Variants in COG4 observed in about 807,000 individuals in gnomAD.
COG4 encodes component of oligomeric golgi complex 4, also known as conserved oligomeric Golgi complex subunit 4.
Under a neutral mutation model 95.1 loss-of-function variants are expected in COG4, and 65 were observed. The ratio of observed to expected loss-of-function variants is 0.68; its 90% CI spans 0.56 to 0.84. The LOEUF (loss-of-function observed/expected upper bound fraction) is 0.84. Ranked by LOEUF, COG4 falls within the 40% of genes least tolerant of loss-of-function variation. The pLI is 0.00. For synonymous variants in COG4, 421 were observed against 374.8 expected, an observed-to-expected ratio of 1.12 and a Z score of -1.42; for missense variants, 1,045 against 989.1, an observed-to-expected ratio of 1.06 and a Z score of -0.76.
chr16:70,492,615 C>T (rs1022351939), intron 12 of COG4, among the ~76,000 whole-genome samples: 4 of 150,114 alleles, frequency 2.7e-5, no homozygotes, highest in Non-Finnish European at 5.9e-5. Context: ...GAGCCAAGAT[C>T]GCGCCATTGC....
At chr16:70,509,741 T>C (rs556560461) in intron 6 of COG4, 175 bp downstream of exon 6, 1 of 655,516 alleles carries the variant, frequency 1.5e-6, no homozygotes, top group Non-Finnish European at 2.7e-6. Context: ...GGAGAGACTC[T>C]AATCTTTGCT....
At chr16:70,489,681 T>G (rs2049205488) in intron 13 of COG4, among the ~76,000 whole-genome samples, 1 of 151,632 alleles carries the variant, frequency 6.6e-6, no homozygotes, top group South Asian at 2.1e-4. Context: ...CTCAATCCTG[T>G]TTTTTCATTA....
chr16:70,514,335 C>A lies in COG4; in HGVS notation c.544G>T (p.Gly182Trp). The change falls in exon 4 of 19, where the codon GGG (glycine) becomes TGG (tryptophan). Residue 182 changes from glycine (G) to tryptophan (W), a missense_variant and splice_region_variant. Physicochemically the swap from Gly to Trp is radical, Grantham distance 184. Coordinates refer to ENST00000323786, the MANE Select transcript of COG4 (RefSeq NM_015386.3). ...VIELSRQGKE[G>W]SMIDANLKLL... ...AAAACCAACAGTTTCGGATGCTGAC[C>A]CTCTTTGCCCTGTCGGCTGAGCTCA... 1 of 1,614,028 alleles carries A rather than the reference C, an allele frequency of 6.2e-7. No individual in the cohort carries two copies. The highest frequency in any genetic ancestry group is 8.5e-7 in the Non-Finnish European group (1 of 1,179,984).
In COG4 at chr16:70,514,481, G is replaced by A. The variant is rs778976307; in HGVS notation, c.398C>T (p.Ala133Val). The A allele has an allele frequency of 6.2e-7, 1 of 1,614,102 alleles. No individual in the cohort carries two copies. Among genetic ancestry groups the A allele is most frequent in the Non-Finnish European group, 8.5e-7 (1 of 1,180,022 alleles). ...GAACTTCAGGTCCAAGATGTCATCA[G>A]CTCTCTGAATGGCCTGATAGAGGCG... is the stretch of plus-strand genomic sequence containing the variant. ...KNRLYQAIQR[A>V]DDILDLKFCM... is the part of the protein sequence containing the mutation. The change falls in exon 4 of 19, where the codon GCT becomes GTT. Residue 133 changes from alanine (A) to valine (V), a missense_variant. By Grantham distance (64) the Ala-to-Val change is moderately conservative. Transcript: ENST00000323786.
chr16:70,496,515 C>T, intron 11 of COG4, 84 bp from the exon 12 acceptor site: 1 of 1,391,738 alleles, frequency 7.2e-7, no homozygotes, highest in Non-Finnish European at 1.0e-6. Flanking sequence ...CACTCTGACC[C>T]AGCAGCACAA....
At chr16:70,508,916 A>C in intron 7 of COG4, 1 of 539,076 alleles carries the variant, frequency 1.9e-6, no homozygotes, top group South Asian at 1.6e-5. Context: ...CAAGAAATAG[A>C]ATTGTCATTA....
At chr16:70,517,877 A>G in intron 2 of COG4, 137 bp from the exon 3 acceptor site, 1 of 679,216 alleles carries the variant, frequency 1.5e-6, no homozygotes, top group Non-Finnish European at 2.7e-6. Flanking sequence ...CTCTATACTC[A>G]GCTTTTTCTC....
At chr16:70,522,764 A>G (rs2049976915) in intron 1 of COG4, among the ~76,000 whole-genome samples, 2 of 152,220 alleles carry the variant, frequency 1.3e-5, no homozygotes, top group Admixed American at 1.3e-4. Flanking sequence ...ACTGAAAGGA[A>G]TTGGAGAATA....
intron 4 of COG4, among the ~76,000 whole-genome samples, chr16:70,513,426 T>C (rs1376076718): frequency 2.0e-5 from 3 of 152,182 alleles, no homozygotes; most frequent in African/African-American, 7.2e-5. Context: ...AGTCTCTTCT[T>C]ATCTGTAGGG....
At chr16:70,519,464 A>G (rs916022108) in intron 2 of COG4, among the ~76,000 whole-genome samples, 185 bp downstream of exon 2, 6 of 152,210 alleles carry the variant, frequency 3.9e-5, no homozygotes, top group Admixed American at 2.6e-4. Flanking sequence ...TGCTGGTACA[A>G]CTGGTCCAAG....
intron 7 of COG4, chr16:70,508,976 T>C (rs1284178463): frequency 1.2e-5 from 7 of 571,462 alleles, no homozygotes; most frequent in Non-Finnish European, 1.9e-5. Flanking sequence ...ACTGGTTTAC[T>C]ACTTCTGCTG....
At chr16:70,498,824 C>A (rs369365467) in intron 9 of COG4, among the ~76,000 whole-genome samples, 1 of 152,138 alleles carries the variant, frequency 6.6e-6, no homozygotes. Flanking sequence ...TAATAGGAGT[C>A]AAAAGATGTA....
At chr16:70,493,084 G>C (rs1227039811) in intron 12 of COG4, among the ~76,000 whole-genome samples, 1 of 152,212 alleles carries the variant, frequency 6.6e-6, no homozygotes, top group Non-Finnish European at 1.5e-5. Flanking sequence ...AGGGTTGGTA[G>C]CTGAGCTGAA....
At chr16:70,494,475 A>C (rs917239971) in intron 12 of COG4, among the ~76,000 whole-genome samples, 1 of 152,240 alleles carries the variant, frequency 6.6e-6, no homozygotes, top group African/African-American at 2.4e-5. Context: ...GGAAAACCAG[A>C]AACCTGTCAC....
intron 8 of COG4, among the ~76,000 whole-genome samples, chr16:70,503,225 T>G (rs2049489619): frequency 6.6e-6 from 1 of 152,140 alleles, no homozygotes; most frequent in African/African-American, 2.4e-5. Flanking sequence ...CTAATTTTTG[T>G]ATTTTTGGTA....
chr16:70,493,770 G>T (rs890033724), intron 12 of COG4, among the ~76,000 whole-genome samples: 2 of 152,066 alleles, frequency 1.3e-5, no homozygotes, highest in Non-Finnish European at 2.9e-5. Context: ...TTTAAAGCAG[G>T]TGAATGCCAC....
Position 70,481,676 on chromosome 16 carries a change from A to AG in COG4, c.2106+87dup, listed in dbSNP as rs899616054. ...TGCAGGGCCTGTGGGCAGCAGACAG[A>AG]GGGGATGCAAGTCCTGGGGGTGGTG... On this transcript the variant is annotated intron_variant, in intron 17 of 18. Transcript: ENST00000323786. 5.2e-6 allele frequency: 7 copies of AG among 1,353,128 alleles called. No homozygotes were observed. In the African/African-American group the frequency reaches 1.0e-4, roughly 19 times the overall value. The allele number at this position is 1,353,128 out of a possible 1,614,324, so 83.8% of individuals were successfully genotyped here. A position where few individuals can be genotyped will look rare whatever the true frequency, so the allele number is the denominator to read the frequency against.
chr16:70,490,300 C>G (rs369076192), intron 13 of COG4, 30 bp downstream of exon 13: 2 of 1,576,192 alleles, frequency 1.3e-6, no homozygotes, highest in Non-Finnish European at 1.7e-6. Flanking sequence ...AAGATGGCTG[C>G]TGACCACTGA....
chr16:70,486,146 T>C (rs953274597), intron 13 of COG4, among the ~76,000 whole-genome samples: 9 of 150,286 alleles, frequency 6.0e-5, no homozygotes, highest in Middle Eastern at 3.5e-3. Flanking sequence ...CCGCCCGCCT[T>C]GGCCTCCCAA....
Sources: allele counts gnomAD v4.1 joint callset (sites outside exome capture counted in the v4.1 genomes callset), GRCh38; gene constraint gnomAD v4.1.1; transcripts MANE v1.5; gene names NCBI Gene and HGNC (gene_info 2026-07-23, HGNC 2026-07-21).